Variants in RAB5A observed in about 807,000 individuals in gnomAD.
The protein encoded by RAB5A is RAB5A, member RAS oncogene family, also known as ras-related protein Rab-5A.
RAB5A carries 8 observed loss-of-function variants against 25.7 expected under a neutral mutation model. That is an observed-to-expected ratio of 0.31 (90% CI 0.18 to 0.56). The LOEUF (loss-of-function observed/expected upper bound fraction) is 0.56. Among genes scored for constraint, RAB5A ranks in the 20% least tolerant of loss-of-function variants. The pLI is 0.91. For missense variants in RAB5A, 192 were observed against 259.7 expected (o/e 0.74, Z 1.79); for synonymous variants, 98 against 89.8 (o/e 1.09, Z -0.52).
At chr3:19,971,106 A>T (rs1387291326) in intron 2 of RAB5A, among the ~76,000 whole-genome samples, 1 of 151,256 alleles carries the variant, frequency 6.6e-6, no homozygotes, top group Admixed American at 6.6e-5. Context: ...CTGAGGCAGG[A>T]GAATCACTCG....
At chr3:19,983,634 T>A in intron 5 of RAB5A, 74 bp from the exon 6 acceptor site, 1 of 1,014,550 alleles carries the variant, frequency 9.9e-7, no homozygotes, top group Non-Finnish European at 1.5e-6. Context: ...GAAAGAAAAA[T>A]TATAGATAAG....
chr3:19,961,905 G>A (rs1696590995), intron 2 of RAB5A, among the ~76,000 whole-genome samples: 1 of 152,100 alleles, frequency 6.6e-6, no homozygotes, highest in African/African-American at 2.4e-5. Flanking sequence ...ATCTATTGCT[G>A]AGACACAAAT....
intron 5 of RAB5A, chr3:19,980,069 A>C (rs1696893414): frequency 6.6e-6 from 1 of 152,204 alleles, no homozygotes; most frequent in South Asian, 2.1e-4. Context: ...GTTTTCCTGA[A>C]AAACTCAAGT....
intron 5 of RAB5A, among the ~76,000 whole-genome samples, chr3:19,981,101 C>A (rs907899019): frequency 6.6e-6 from 1 of 152,172 alleles, no homozygotes; most frequent in East Asian, 1.9e-4. Context: ...CTCTTAAAAT[C>A]AGTACTCTTA....
chr3:19,963,378 C>T (rs1261950261), intron 2 of RAB5A, among the ~76,000 whole-genome samples: 4 of 97,184 alleles, frequency 4.1e-5, no homozygotes, highest in South Asian at 8.3e-4. Context: ...CCCCCCCCCC[C>T]GACTTATTTT....
At chr3:19,965,419 T>TAAAA (rs35939974) in intron 2 of RAB5A, among the ~76,000 whole-genome samples, 1 of 141,714 alleles carries the variant, frequency 7.1e-6, no homozygotes. Flanking sequence ...GACCCTGTCT[T>TAAAA]AAAAAAAAAA....
intron 2 of RAB5A, among the ~76,000 whole-genome samples, chr3:19,965,142 G>A (rs540085867): frequency 2.0e-5 from 3 of 152,164 alleles, no homozygotes; most frequent in African/African-American, 7.2e-5. Flanking sequence ...GGCTGGTCTC[G>A]CACTCCTGAC....
chr3:19,967,378 C>T (rs942829412), intron 2 of RAB5A, among the ~76,000 whole-genome samples: 27 of 152,116 alleles, frequency 1.8e-4, no homozygotes, highest in Non-Finnish European at 4.0e-4. Flanking sequence ...CTCCTGACCT[C>T]GGGTGATCCA....
chr3:19,959,625 ATTTTT>A (rs63289661), intron 2 of RAB5A, among the ~76,000 whole-genome samples: 1 of 117,908 alleles, frequency 8.5e-6, no homozygotes. Flanking sequence ...TTGTGTTCTG[ATTTTT>A]TTTTTTTTTT....
chr3:19,972,382 A>G (rs997949475), intron 2 of RAB5A, among the ~76,000 whole-genome samples: 2 of 152,242 alleles, frequency 1.3e-5, no homozygotes, highest in Non-Finnish European at 2.9e-5. Context: ...AGAAAAAGAT[A>G]TAAACCAATG....
intron 2 of RAB5A, among the ~76,000 whole-genome samples, chr3:19,953,411 CT>C (rs11383693): frequency 2.3e-3 from 313 of 134,506 alleles, no homozygotes; most frequent in Middle Eastern, 4.0e-3. Flanking sequence ...TCTGTTAATC[CT>C]TTTTTTTTTT....
rs116665507 is a variant in RAB5A, at chr3:19,975,444, T to C, written c.164-157T>C. On this transcript the variant is annotated intron_variant, in intron 2 of 5. Coordinates refer to ENST00000273047, the MANE Select transcript of RAB5A (RefSeq NM_004162.5). ...AGTTTCTAGGTGTTTTCTTTTTTTT[T>C]CCCCCCTCATTTATTACTTTTAACT... is the stretch of plus-strand genomic sequence containing the variant. The C allele has an allele frequency of 8.6e-3, 5,323 of 617,762 alleles. 212 individuals are homozygous for C. In the African/African-American group the frequency reaches 0.089, roughly 10 times the overall value. The allele number at this position is 617,762 out of a possible 1,614,324, so 38.3% of individuals were successfully genotyped here.
chr3:19,948,848 TAAAA>T (rs1696376503), intron 1 of RAB5A, among the ~76,000 whole-genome samples: 2 of 152,128 alleles, frequency 1.3e-5, no homozygotes, highest in East Asian at 3.8e-4. Flanking sequence ...TTTTCTTAAA[TAAAA>T]AGACAAATGG....
chr3:19,978,414 T>C lies in RAB5A; in HGVS notation c.532+11T>C. ...TATTCATGGCAATAGGTAAGATTAA[T>C]ATCTCTTTTTAAATGATCAATATAA... On this transcript the variant is annotated intron_variant, in intron 5 of 5. Coordinates refer to ENST00000273047, the MANE Select transcript of RAB5A (RefSeq NM_004162.5). 1 of 1,532,260 alleles carries C rather than the reference T, an allele frequency of 6.5e-7. No homozygotes were observed. The highest frequency in any genetic ancestry group is 9.0e-7 in the Non-Finnish European group (1 of 1,108,894). 94.9% of individuals were successfully genotyped at this position (1,532,260 alleles called of 1,614,324 possible). A position where few individuals can be genotyped will look rare whatever the true frequency, so the allele number is the denominator to read the frequency against.
At chr3:19,973,178 C>T (rs770359752) in intron 2 of RAB5A, among the ~76,000 whole-genome samples, 28 of 152,042 alleles carry the variant, frequency 1.8e-4, no homozygotes, top group Non-Finnish European at 3.8e-4. Flanking sequence ...ATTTTGTTAT[C>T]CATTGGGGAT....
chr3:19,952,636 T>G (rs1696440226), intron 2 of RAB5A, among the ~76,000 whole-genome samples: 1 of 152,218 alleles, frequency 6.6e-6, no homozygotes, highest in South Asian at 2.1e-4. Context: ...ATTAGAATGT[T>G]TTATGTTTTT....
intron 2 of RAB5A, among the ~76,000 whole-genome samples, chr3:19,957,766 A>G (rs1025330982): frequency 2.8e-4 from 43 of 152,068 alleles, no homozygotes; most frequent in African/African-American, 9.4e-4. Context: ...CGAGGTGATC[A>G]ATATTGAATT....
intron 2 of RAB5A, among the ~76,000 whole-genome samples, chr3:19,969,045 G>GTTTTTTTTTTTTTTTTTTTTTTT (rs386396075): frequency 1.9e-5 from 2 of 103,448 alleles, no homozygotes; most frequent in Non-Finnish European, 1.7e-5. Flanking sequence ...TTTTTTTTTG[G>GTTTTTTTTTTTTTTTTTTTTTTT]TTTTTTTTTT....
chr3:19,960,854 G>A (rs185080124), intron 2 of RAB5A, among the ~76,000 whole-genome samples: 17 of 152,252 alleles, frequency 1.1e-4, no homozygotes, highest in African/African-American at 3.4e-4. Context: ...TTAAGTGTTC[G>A]CAGTAGTAGT....
Sources: allele counts gnomAD v4.1 joint callset (sites outside exome capture counted in the v4.1 genomes callset), GRCh38; gene constraint gnomAD v4.1.1; transcripts MANE v1.5; gene names NCBI Gene and HGNC (gene_info 2026-07-23, HGNC 2026-07-21).